The following PIGB variants were observed in gnomAD, a reference collection of about 807,000 sequenced individuals.
The protein encoded by PIGB is phosphatidylinositol glycan anchor biosynthesis class B.
A neutral mutation model predicts 68.4 loss-of-function variants in PIGB; 58 were observed. The observed-to-expected ratio is 0.85, with a 90% confidence interval of 0.69 to 1.06. The LOEUF is 1.06. Among genes scored for constraint, PIGB ranks in the 50% least tolerant of loss-of-function variants. PIGB has a pLI of 0.00. For missense variants in PIGB, 634 were observed against 655.8 expected, an observed-to-expected ratio of 0.97 and a Z score of 0.36; for synonymous variants, 219 against 220.5, an observed-to-expected ratio of 0.99 and a Z score of 0.06.
intron 1 of PIGB, chr15:55,319,974 G>A (rs1380168572): frequency 4.2e-6 from 1 of 236,678 alleles, no homozygotes; most frequent in Admixed American, 5.0e-5. Flanking sequence ...CACATAGTAT[G>A]ACCTAATTAA....
chr15:55,343,800 C>T (rs1282502728), intron 9 of PIGB, among the ~76,000 whole-genome samples: 1 of 152,140 alleles, frequency 6.6e-6, no homozygotes, highest in Admixed American at 6.5e-5. Context: ...TTCTTTTCCT[C>T]CACACCCTAC....
rs557379078 is a variant in PIGB at position 55,329,118 on chromosome 15, T to C, written c.523-606T>C. ...ACTAACAAGTTTCTTTTAACACATTTGTTTTGTAGACTTAATGGTGCTCTG... is the reference window on the plus strand; with the variant it reads ...ACTAACAAGTTTCTTTTAACACATTCGTTTTGTAGACTTAATGGTGCTCTG... On this transcript the variant is annotated intron_variant, in intron 4 of 11. Transcript: ENST00000164305. Among the ~76,000 whole-genome samples the C allele has an allele frequency of 5.9e-5, 9 of 152,166 alleles. 1 individual carries two copies. The highest frequency in any genetic ancestry group is 1.7e-4 in the African/African-American group (7 of 41,568).
chr15:55,341,856 C>A (rs2055678820), intron 9 of PIGB, 54 bp downstream of exon 9: 2 of 691,974 alleles, frequency 2.9e-6, no homozygotes, highest in Non-Finnish European at 4.5e-6. Context: ...AGTCTAAAGA[C>A]AACACATCCT....
chr15:55,339,212 A>G (rs2055607261), intron 6 of PIGB, 55 bp from the exon 7 acceptor site: 1 of 1,280,046 alleles, frequency 7.8e-7, no homozygotes, highest in Non-Finnish European at 1.1e-6. Context: ...ATATGCTAAT[A>G]GTGGATTTTC....
chr15:55,339,857 C>G (rs574109431), intron 7 of PIGB, among the ~76,000 whole-genome samples: 19 of 152,152 alleles, frequency 1.2e-4, no homozygotes, highest in Admixed American at 3.9e-4. Flanking sequence ...TCTGGTGACT[C>G]AGGGTGGGGA....
At chr15:55,345,898 T>TAAAC (rs2055782963) in intron 9 of PIGB, among the ~76,000 whole-genome samples, 1 of 152,234 alleles carries the variant, frequency 6.6e-6, no homozygotes, top group African/African-American at 2.4e-5. Context: ...TGTTCTTATC[T>TAAAC]AAACACTGAA....
chr15:55,350,644 TTAACA>T (rs2055900788), intron 9 of PIGB, 50 bp from the exon 10 acceptor site: 4 of 1,085,294 alleles, frequency 3.7e-6, no homozygotes, highest in African/African-American at 1.6e-5. Flanking sequence ...GTATTTGCAG[TTAACA>T]TAACAAAAGA....
At position 55,344,206 on chromosome 15, in the gene PIGB, C is replaced by T. The variant is rs143322470; in HGVS notation, c.1123+2404C>T. ...GTCTACATTTCAACTGGGCAGTTCT[C>T]ATCTCCACTGAGCTCACTTACACAG... On this transcript the variant is annotated intron_variant, in intron 9 of 11. Coordinates refer to ENST00000164305, the MANE Select transcript of PIGB (RefSeq NM_004855.5). 1.3e-3 allele frequency among the ~76,000 whole-genome samples: 194 copies of T among 152,362 alleles called. 2 individuals are homozygous for T. The highest frequency in any genetic ancestry group is 4.5e-3 in the African/African-American group (186 of 41,600).
intron 9 of PIGB, among the ~76,000 whole-genome samples, chr15:55,348,152 A>G (rs989271461): frequency 3.9e-5 from 6 of 151,924 alleles, no homozygotes; most frequent in Admixed American, 2.0e-4. Context: ...ACACCTAGCT[A>G]ATTTTTGTAT....
intron 6 of PIGB, among the ~76,000 whole-genome samples, chr15:55,337,365 A>G (rs942652046): frequency 6.6e-6 from 1 of 152,226 alleles, no homozygotes; most frequent in Non-Finnish European, 1.5e-5. Flanking sequence ...GCCCCAGTCC[A>G]TGGCCTCTTA....
In PIGB at chr15:55,319,273, G is replaced by A; in HGVS notation, c.23G>A (p.Cys8Tyr). MRRPLSK[C>Y]GMEPGGGDAS... is the part of the protein sequence containing the mutation. Reference sequence around the variant, plus strand: ...GGGATGAGGAGGCCCCTAAGCAAGTGCGGAATGGAGCCGGGGGGCGGAGAT... The same window carrying A: ...GGGATGAGGAGGCCCCTAAGCAAGTACGGAATGGAGCCGGGGGGCGGAGAT... The change falls in exon 1 of 12, where the codon TGC becomes TAC. Residue 8 changes from cysteine (C) to tyrosine (Y), a missense_variant. Coordinates refer to ENST00000164305, the MANE Select transcript of PIGB (RefSeq NM_004855.5). The A allele has an allele frequency of 6.2e-7, 1 of 1,607,316 alleles. No homozygotes were observed. Among genetic ancestry groups the A allele is most frequent in the Non-Finnish European group, 8.5e-7 (1 of 1,177,398 alleles).
chr15:55,350,892 C>T lies in PIGB; in HGVS notation c.1317C>T (p.Cys439=). The change falls in exon 10 of 12, where the codon TGC becomes TGT. Residue 439 remains cysteine (C), a synonymous_variant. Coordinates refer to ENST00000164305, the MANE Select transcript of PIGB (RefSeq NM_004855.5). The part of the protein sequence containing the change: ...SSASIFIMMP[C]HSTPYYSHVH... Reference sequence around the variant, plus strand: ...CTTCAATATTTATAATGATGCCTTGCCACTCTACTCCTTATTACAGGTAAT... The same window carrying T: ...CTTCAATATTTATAATGATGCCTTGTCACTCTACTCCTTATTACAGGTAAT... 2 of 1,574,182 alleles carry T rather than the reference C, an allele frequency of 1.3e-6. No individual in the cohort carries two copies. The highest frequency in any genetic ancestry group is 8.7e-7 in the Non-Finnish European group (1 of 1,144,766).
intron 10 of PIGB, chr15:55,351,750 T>C (rs1312998237): frequency 3.2e-4 from 48 of 150,386 alleles, no homozygotes; most frequent in African/African-American, 1.1e-3. Context: ...CAGGTGCCTG[T>C]AGTTCCAGCT....
intron 10 of PIGB, 37 bp downstream of exon 10, chr15:55,350,949 C>A: frequency 1.0e-6 from 1 of 996,814 alleles, no homozygotes; most frequent in Non-Finnish European, 1.5e-6. Context: ...TGTTAAGAAA[C>A]TGAAACTGAC....
chr15:55,333,731 C>CA (rs199688040), intron 5 of PIGB, 136 bp from the exon 6 acceptor site: 36,296 of 592,512 alleles, frequency 0.061, 1,483 homozygotes, highest in East Asian at 0.18. Flanking sequence ...GACTCTGTCT[C>CA]AAACAAAACA....
chr15:55,350,558 A>G, intron 9 of PIGB, 141 bp from the exon 10 acceptor site: 1 of 653,254 alleles, frequency 1.5e-6, no homozygotes. Context: ...ATGGTCAGAG[A>G]TATGACTTAT....
intron 9 of PIGB, among the ~76,000 whole-genome samples, chr15:55,342,889 G>A (rs918514340): frequency 4.6e-5 from 7 of 151,874 alleles, no homozygotes; most frequent in Admixed American, 6.6e-5. Context: ...AGTTTAATTC[G>A]GAATAAATGA....
chr15:55,352,331 G>A (rs767726968), intron 10 of PIGB, among the ~76,000 whole-genome samples: 26 of 152,162 alleles, frequency 1.7e-4, no homozygotes, highest in Non-Finnish European at 3.1e-4. Context: ...ATATTCTAAT[G>A]CTTGAATTAA....
chr15:55,328,697 G>A (rs1312572261), intron 4 of PIGB, among the ~76,000 whole-genome samples: 1 of 152,132 alleles, frequency 6.6e-6, no homozygotes, highest in Non-Finnish European at 1.5e-5. Flanking sequence ...GCCGGGCATG[G>A]TGGCTCACCC....
Sources: allele counts gnomAD v4.1 joint callset (sites outside exome capture counted in the v4.1 genomes callset), GRCh38; gene constraint gnomAD v4.1.1; transcripts MANE v1.5; gene names NCBI Gene and HGNC (gene_info 2026-07-23, HGNC 2026-07-21).